Variants in DYNC2LI1 observed in about 807,000 individuals in gnomAD.
DYNC2LI1 encodes dynein cytoplasmic 2 light intermediate chain 1.
Under a neutral mutation model 51.9 loss-of-function variants are expected in DYNC2LI1, and 45 were observed. That is an observed-to-expected ratio of 0.87 (90% CI 0.68 to 1.11). DYNC2LI1 has a LOEUF of 1.11. DYNC2LI1 is among the 50% of genes most tolerant of loss of function. The probability of loss-of-function intolerance (pLI) is 0.00; values close to 1 mark genes in which losing one functional copy is unlikely to be tolerated. For missense variants in DYNC2LI1, 490 were observed against 417.4 expected (o/e 1.17, Z -1.51); for synonymous variants, 130 against 137.8 (o/e 0.94, Z 0.40).
chr2:43,775,397 AT>A (rs892825944), intron 1 of DYNC2LI1, among the ~76,000 whole-genome samples: 26 of 152,020 alleles, frequency 1.7e-4, no homozygotes, highest in African/African-American at 6.3e-4. Flanking sequence ...TATATATATG[AT>A]TTTATCGTGT....
rs902549104 is a variant in DYNC2LI1, at chr2:43,777,699, G to C, written c.126+800G>C. ...CTACACTCTGCATCAGCAGGGCTAC[G>C]TGTTCACTGGGCAACGTCAGCGCCC... is the stretch of plus-strand genomic sequence containing the variant. On this transcript the variant is annotated intron_variant, in intron 2 of 12. Coordinates refer to ENST00000260605, the MANE Select transcript of DYNC2LI1 (RefSeq NM_016008.4). 2.0e-5 allele frequency among the ~76,000 whole-genome samples: 3 copies of C among 152,212 alleles called. No homozygotes were observed. In the East Asian group the frequency reaches 5.8e-4, roughly 29 times the overall value.
intron 1 of DYNC2LI1, among the ~76,000 whole-genome samples, chr2:43,775,472 GGGTTTTTTTTTCTTTCTTTCTTTAT>G (rs1225982128): frequency 1.3e-5 from 2 of 149,258 alleles, no homozygotes; most frequent in African/African-American, 4.9e-5. Flanking sequence ...TGTGGTTTTA[GGGTTTTTTTTTCTTTCTTTCTTTAT>G]GGTTTTTTTT....
rs547615881 is a variant in DYNC2LI1 at position 43,775,475 on chromosome 2, T to G, written c.9-1307T>G. 9.5e-5 allele frequency among the ~76,000 whole-genome samples: 14 copies of G among 147,416 alleles called. No individual in the cohort carries two copies. In the East Asian group the frequency reaches 1.6e-3, roughly 17 times the overall value. On this transcript the variant is annotated intron_variant, in intron 1 of 12. Transcript: ENST00000260605. The stretch of plus-strand genomic sequence containing the variant: ...TTTCAAAATGTTTGTGGTTTTAGGG[T>G]TTTTTTTTCTTTCTTTCTTTATGGT...
chr2:43,787,101 G>GA (rs1209214823), intron 3 of DYNC2LI1, 80 bp from the exon 4 acceptor site: 3 of 1,162,582 alleles, frequency 2.6e-6, no homozygotes, highest in East Asian at 2.4e-5. Flanking sequence ...CAAGAGGAAG[G>GA]AAAAATGAAT....
chr2:43,781,987 A>G (rs1453877185), intron 2 of DYNC2LI1, among the ~76,000 whole-genome samples: 30 of 146,006 alleles, frequency 2.1e-4, no homozygotes, highest in Admixed American at 1.9e-3. Flanking sequence ...ATGTCCCCCT[A>G]CATTTGTGTG....
downstream of DYNC2LI1, chr2:43,810,104 T>A: frequency 2.0e-6 from 1 of 488,272 alleles, no homozygotes; most frequent in Non-Finnish European, 2.7e-6. Flanking sequence ...GTTACAGTTT[T>A]AAATGCAAGG....
chr2:43,789,828 C>A, intron 5 of DYNC2LI1, 107 bp downstream of exon 5: 1 of 891,466 alleles, frequency 1.1e-6, no homozygotes, highest in Non-Finnish European at 1.7e-6. Flanking sequence ...TTTTATGTTG[C>A]TGAAGGCTTA....
chr2:43,816,160 T>A, the DYNC2LI1 span, among the ~76,000 whole-genome samples: 1 of 152,206 alleles, frequency 6.6e-6, no homozygotes, highest in Non-Finnish European at 1.5e-5. Flanking sequence ...GCAGTGTGTA[T>A]ACAGTTCAAA....
the DYNC2LI1 span, chr2:43,824,841 G>A: frequency 6.2e-7 from 1 of 1,610,096 alleles, no homozygotes; most frequent in South Asian, 1.1e-5. Context: ...TCTGAGATGA[G>A]AAAGTTTAAA....
downstream of DYNC2LI1, among the ~76,000 whole-genome samples, chr2:43,813,675 T>G (rs573677539): frequency 1.4e-4 from 19 of 133,692 alleles, no homozygotes; most frequent in African/African-American, 4.5e-4. Context: ...TTTTTGGTTG[T>G]TTTTTTTTTG....
At chr2:43,780,968 G>A (rs1182344724) in intron 2 of DYNC2LI1, among the ~76,000 whole-genome samples, 1 of 152,150 alleles carries the variant, frequency 6.6e-6, no homozygotes, top group East Asian at 1.9e-4. Context: ...ATTTTGGATT[G>A]TAATTTTAAT....
At chr2:43,822,757 C>T in the DYNC2LI1 span, 1 of 1,613,758 alleles carries the variant, frequency 6.2e-7, no homozygotes. Flanking sequence ...TCCATGACTC[C>T]ATGGGAGCCC....
chr2:43,824,203 T>C, the DYNC2LI1 span: 3 of 1,614,102 alleles, frequency 1.9e-6, no homozygotes, highest in Non-Finnish European at 2.5e-6. Flanking sequence ...ATTTCTCACA[T>C]TTGTGAGCCT....
At chr2:43,784,828 C>A (rs1673445491) in intron 3 of DYNC2LI1, among the ~76,000 whole-genome samples, 1 of 152,094 alleles carries the variant, frequency 6.6e-6, no homozygotes. Flanking sequence ...TGAATTTTGT[C>A]TTAAAAGTGG....
chr2:43,826,850 T>C, the DYNC2LI1 span, among the ~76,000 whole-genome samples: 1 of 152,186 alleles, frequency 6.6e-6, no homozygotes, highest in Non-Finnish European at 1.5e-5. Flanking sequence ...CAAGTTGTTT[T>C]AAAACAAGAC....
chr2:43,801,981 C>T (rs1299999982), intron 10 of DYNC2LI1, among the ~76,000 whole-genome samples: 1 of 152,072 alleles, frequency 6.6e-6, no homozygotes, highest in African/African-American at 2.4e-5. Context: ...TTTCTTTCCC[C>T]AACTGATTTC....
chr2:43,819,824 G>A, the DYNC2LI1 span: 4 of 1,389,384 alleles, frequency 2.9e-6, no homozygotes, highest in South Asian at 1.2e-5. Context: ...ACCACTATCA[G>A]TTCTCTGGTA....
Position 43,776,781 on chromosome 2 carries a change from G to A in DYNC2LI1, c.9-1G>A. The A allele has an allele frequency of 6.5e-7, 1 of 1,546,452 alleles. No individual in the cohort carries two copies. The highest frequency in any genetic ancestry group is 2.4e-5 in the East Asian group (1 of 42,526). ...TTTTGTTTTTTCTGCCTCTCATGTA[G>A]TGAAACTCTCTGGGAAATTGCAAAA... On this transcript the variant is annotated splice_acceptor_variant, in intron 1 of 12. Coordinates refer to ENST00000260605, the MANE Select transcript of DYNC2LI1 (RefSeq NM_016008.4). LOFTEE classifies it high-confidence loss of function.
At chr2:43,817,806 A>T in the DYNC2LI1 span, among the ~76,000 whole-genome samples, 1 of 151,880 alleles carries the variant, frequency 6.6e-6, no homozygotes, top group Non-Finnish European at 1.5e-5. Context: ...GCTACTCGGG[A>T]GGCTGAGGCA....
Sources: allele counts gnomAD v4.1 joint callset (sites outside exome capture counted in the v4.1 genomes callset), GRCh38; gene constraint gnomAD v4.1.1; transcripts MANE v1.5; gene names NCBI Gene and HGNC (gene_info 2026-07-23, HGNC 2026-07-21).